OSBPL3: variants seen among roughly 807,000 people sequenced by gnomAD.
The protein encoded by OSBPL3 is oxysterol binding protein like 3, also known as oxysterol-binding protein-related protein 3.
A neutral mutation model predicts 120.1 loss-of-function variants in OSBPL3; 65 were observed. That is an observed-to-expected ratio of 0.54 (90% confidence interval 0.44 to 0.67). The LOEUF is 0.67. Among genes scored for constraint, OSBPL3 ranks in the 30% least tolerant of loss-of-function variants. The pLI is 0.00. For synonymous variants in OSBPL3, 416 were observed against 402.6 expected, an observed-to-expected ratio of 1.03 and a Z score of -0.40; for missense variants, 1,004 against 1,082.1, an observed-to-expected ratio of 0.93 and a Z score of 1.01.
At chr7:24,825,411 C>G (rs1243473533) in intron 16 of OSBPL3, among the ~76,000 whole-genome samples, 4 of 152,112 alleles carry the variant, frequency 2.6e-5, no homozygotes, top group Admixed American at 2.6e-4. Context: ...ATGCAGATGC[C>G]AATTATTTTC....
chr7:24,930,972 C>A lies in OSBPL3; in HGVS notation c.-149-38351G>T, dbSNP rs765141723. 1.3e-5 allele frequency among the ~76,000 whole-genome samples: 2 copies of A among 152,130 alleles called. No individual in the cohort carries two copies. The highest frequency in any genetic ancestry group is 2.9e-5 in the Non-Finnish European group (2 of 68,044). ...TTATTTAACATTCTCACAGGAAGTA[C>A]GTGTTCAGAGGCAAAAAGTGAGCTG... On this transcript the variant is annotated intron_variant, in intron 1 of 22. Transcript: ENST00000313367. This position sits in a 1 kb window ranked among gnomAD's most constrained non-coding sequence, Gnocchi z 4.4.
intron 2 of OSBPL3, among the ~76,000 whole-genome samples, chr7:24,888,905 T>G (rs1398705869): frequency 6.6e-6 from 1 of 152,108 alleles, no homozygotes; most frequent in East Asian, 1.9e-4. Flanking sequence ...GGATGAGAAT[T>G]TAAGTAAAAA....
chr7:24,975,466 T>C (rs1817478472), intron 1 of OSBPL3, among the ~76,000 whole-genome samples: 3 of 152,180 alleles, frequency 2.0e-5, no homozygotes, highest in African/African-American at 7.2e-5. Context: ...GAAAACAAAA[T>C]GTCACATTCC....
chr7:24,866,885 T>C (rs1241017258), intron 5 of OSBPL3, among the ~76,000 whole-genome samples: 2 of 152,188 alleles, frequency 1.3e-5, no homozygotes, highest in East Asian at 3.9e-4. Flanking sequence ...CACTGCAACC[T>C]CCACCTCCCA....
chr7:24,896,988 C>G lies in OSBPL3; in HGVS notation c.-149-4367G>C, dbSNP rs368458592. Among the ~76,000 whole-genome samples, 2 of 150,140 alleles carry G rather than the reference C, an allele frequency of 1.3e-5. No homozygotes were observed. Among genetic ancestry groups the G allele is most frequent in the East Asian group, 2.0e-4 (1 of 4,894 alleles). ...TCAGGAGGCTGAGGCAGGAGAACTG[C>G]TTGAACCTGGGAGGCAGAGGTTGCA... On this transcript the variant is annotated intron_variant, in intron 1 of 22. Transcript: ENST00000313367. This position sits in a 1 kb window ranked among gnomAD's most constrained non-coding sequence, Gnocchi z 4.4.
intron 16 of OSBPL3, among the ~76,000 whole-genome samples, chr7:24,828,076 G>A (rs1795909977): frequency 6.6e-6 from 1 of 151,830 alleles, no homozygotes; most frequent in African/African-American, 2.4e-5. Context: ...CCAGGCTGGA[G>A]TGCAGTGGTG....
intron 15 of OSBPL3, among the ~76,000 whole-genome samples, chr7:24,832,206 C>CCAA (rs1554351808): frequency 1.0e-5 from 1 of 95,664 alleles, no homozygotes; most frequent in Non-Finnish European, 2.0e-5. Flanking sequence ...GACCCTGTCT[C>CCAA]AAAAAAAAAA....
chr7:24,811,129 A>T (rs760291654), intron 19 of OSBPL3, among the ~76,000 whole-genome samples: 5 of 152,222 alleles, frequency 3.3e-5, no homozygotes, highest in Non-Finnish European at 5.9e-5. Flanking sequence ...TAGCTGTGCT[A>T]ATTTACATTT....
At chr7:24,902,082 C>T (rs1214646801) in intron 1 of OSBPL3, among the ~76,000 whole-genome samples, 1 of 152,094 alleles carries the variant, frequency 6.6e-6, no homozygotes, top group East Asian at 1.9e-4. Flanking sequence ...TTTTCATTTG[C>T]AAAATGGGAA....
chr7:24,849,245 C>A lies in OSBPL3; in HGVS notation c.1159-69G>T. 1 of 1,166,626 alleles carries A rather than the reference C, an allele frequency of 8.6e-7. No individual in the cohort carries two copies. The highest frequency in any genetic ancestry group is 1.3e-5 in the South Asian group (1 of 75,522). The allele number at this position is 1,166,626 out of a possible 1,614,324, so 72.3% of individuals were successfully genotyped here. ...TTTCAGAAAAGCACAGCAGTGGGCC[C>A]TGCAGGAGCGATCTCTAAGAGCTTG... On this transcript the variant is annotated intron_variant, in intron 11 of 22. Transcript: ENST00000313367. This position sits in a 1 kb window ranked among gnomAD's most constrained non-coding sequence, Gnocchi z 5.4.
chr7:24,948,992 A>T (rs1814066689), intron 1 of OSBPL3, among the ~76,000 whole-genome samples: 1 of 152,240 alleles, frequency 6.6e-6, no homozygotes, highest in South Asian at 2.1e-4. Context: ...TCTGCATATC[A>T]TGATGTCTCT....
rs953234522 is a variant in OSBPL3, at chr7:24,947,805, C to T, written c.-150+32081G>A. Among the ~76,000 whole-genome samples the T allele has an allele frequency of 3.3e-5, 5 of 151,960 alleles. No homozygotes were observed. The highest frequency in any genetic ancestry group is 7.4e-5 in the Non-Finnish European group (5 of 67,976). On this transcript the variant is annotated intron_variant, in intron 1 of 22. Transcript: ENST00000313367. This position sits in a 1 kb window ranked among gnomAD's most constrained non-coding sequence, Gnocchi z 4.4. The stretch of plus-strand genomic sequence containing the variant: ...ACACACACACACACACACACACACA[C>T]ACACTCATTGCATACTACCCATGTG...
chr7:24,882,451 C>T (rs886234238), intron 2 of OSBPL3, among the ~76,000 whole-genome samples: 11 of 152,186 alleles, frequency 7.2e-5, no homozygotes, highest in African/African-American at 2.7e-4. Context: ...TTTTTGATGG[C>T]TCAACAGTAT....
Position 24,964,088 on chromosome 7 carries a change from C to A in OSBPL3, c.-150+15798G>T, listed in dbSNP as rs1003823935. Among the ~76,000 whole-genome samples the A allele has an allele frequency of 1.3e-5, 2 of 151,956 alleles. No individual in the cohort carries two copies. The highest frequency in any genetic ancestry group is 4.8e-5 in the African/African-American group (2 of 41,338). On this transcript the variant is annotated intron_variant, in intron 1 of 22. Transcript: ENST00000313367. The surrounding 1 kb of genome is among the most constrained non-coding windows in gnomAD (Gnocchi z 4.2). ...ATAATCCAAAGTATATAATAAATAT[C>A]AATGGATCCACACTGATTAAAAAAA...
rs1803674413 is a variant in OSBPL3 at position 24,881,491 on chromosome 7, C to T, written c.97-9422G>A. ...AAATCAAGTGCTGGATCTCAAAAAGCTAACATACATTACAAATGTTAATAA... is the reference window on the plus strand; with the variant it reads ...AAATCAAGTGCTGGATCTCAAAAAGTTAACATACATTACAAATGTTAATAA... On this transcript the variant is annotated intron_variant, in intron 2 of 22. Coordinates refer to ENST00000313367, the MANE Select transcript of OSBPL3 (RefSeq NM_015550.4). This position sits in a 1 kb window ranked among gnomAD's most constrained non-coding sequence, Gnocchi z 4.3. Among the ~76,000 whole-genome samples, 1 of 152,162 alleles carries T rather than the reference C, an allele frequency of 6.6e-6. No individual in the cohort carries two copies. Among genetic ancestry groups the T allele is most frequent in the Non-Finnish European group, 1.5e-5 (1 of 68,022 alleles).
intron 6 of OSBPL3, 64 bp downstream of exon 6, chr7:24,866,006 G>A: frequency 7.3e-7 from 1 of 1,364,984 alleles, no homozygotes; most frequent in South Asian, 1.2e-5. Context: ...CAGCTCCCAA[G>A]ACAGGACTCC....
Position 24,834,613 on chromosome 7 carries a change from A to T in OSBPL3, c.1619T>A (p.Leu540Gln), listed in dbSNP as rs768240588. The stretch of plus-strand genomic sequence containing the variant: ...CTCCACCGGCATGGCCACCTTGGAC[A>T]GGTCCTTCCCGATGTTGTTCCTCAG... ...NILRNNIGKD[L>Q]SKVAMPVELN... The change falls in exon 15 of 23, where the codon CTG (leucine) becomes CAG (glutamine). Residue 540 changes from leucine (L) to glutamine (Q), a missense_variant. Around this residue, in one of 4 missense-constraint regions of OSBPL3, gnomAD observed 473 missense variants for 568.0 expected, o/e 0.83. Transcript: ENST00000313367. This position sits in a 1 kb window ranked among gnomAD's most constrained non-coding sequence, Gnocchi z 5.2. The T allele has an allele frequency of 6.2e-7, 1 of 1,614,234 alleles. No homozygotes were observed. Among genetic ancestry groups the T allele is most frequent in the South Asian group, 1.1e-5 (1 of 91,088 alleles).
chr7:24,977,749 G>A (rs574478706), intron 1 of OSBPL3, among the ~76,000 whole-genome samples: 2 of 152,266 alleles, frequency 1.3e-5, no homozygotes, highest in South Asian at 4.1e-4. Flanking sequence ...CCAGCCACCC[G>A]GGAGGCTGAG....
At chr7:24,954,588 G>A (rs114705917) in intron 1 of OSBPL3, among the ~76,000 whole-genome samples, 41 of 152,146 alleles carry the variant, frequency 2.7e-4, no homozygotes, top group African/African-American at 9.6e-4. Flanking sequence ...AAAAAAAAAG[G>A]TGTGGGGACA....
Sources: gnomAD v4.1 joint callset for allele counts (sites outside exome capture counted in the v4.1 genomes callset) on GRCh38, gnomAD v4.1.1 for gene constraint, gnomAD v4.1.1 regional missense constraint, Gnocchi (gnomAD v3.1) non-coding constraint, MANE v1.5 for transcripts, NCBI Gene and HGNC (gene_info 2026-07-23, HGNC 2026-07-21) for gene names.